Variants in REC114 observed in about 807,000 individuals in gnomAD.
The protein encoded by REC114 is meiotic recombination protein REC114.
A neutral mutation model predicts 31.3 loss-of-function variants in REC114; 27 were observed. The ratio of observed to expected loss-of-function variants is 0.86; its 90% CI spans 0.64 to 1.19. The LOEUF is 1.19. Among genes scored for constraint, REC114 ranks in the 50% most tolerant of loss-of-function variants. The pLI is 0.00. For missense variants in REC114, 344 were observed against 326.9 expected (o/e 1.05, Z -0.40); for synonymous variants, 134 against 127.7 (o/e 1.05, Z -0.33).
intron 2 of REC114, among the ~76,000 whole-genome samples, chr15:73,508,241 A>C (rs979801192): frequency 2.6e-5 from 4 of 152,164 alleles, no homozygotes; most frequent in Non-Finnish European, 5.9e-5. Flanking sequence ...ATAGAAATTA[A>C]AGTAAAATAT....
intron 2 of REC114, among the ~76,000 whole-genome samples, chr15:73,510,351 A>T (rs1270718205): frequency 1.3e-5 from 2 of 152,126 alleles, no homozygotes; most frequent in African/African-American, 2.4e-5. Context: ...GGCTGAGACA[A>T]TGGGGTTTTC....
chr15:73,474,614 C>T (rs901842315), intron 2 of REC114, among the ~76,000 whole-genome samples: 2 of 152,148 alleles, frequency 1.3e-5, no homozygotes, highest in African/African-American at 4.8e-5. Flanking sequence ...TTACTATCTA[C>T]ATGGGCATAA....
At chr15:73,487,656 G>A (rs1316993578) in intron 2 of REC114, among the ~76,000 whole-genome samples, 1 of 152,242 alleles carries the variant, frequency 6.6e-6, no homozygotes, top group East Asian at 1.9e-4. Flanking sequence ...GGCCCACACA[G>A]CAGTTCTCAT....
intron 1 of REC114, among the ~76,000 whole-genome samples, chr15:73,469,264 C>T (rs1021904753): frequency 2.6e-5 from 4 of 152,036 alleles, no homozygotes; most frequent in African/African-American, 7.2e-5. Flanking sequence ...CTTACTGCTT[C>T]GTGTATTTTT....
chr15:73,496,447 T>C (rs933235680), intron 2 of REC114, among the ~76,000 whole-genome samples: 3 of 149,288 alleles, frequency 2.0e-5, no homozygotes, highest in African/African-American at 4.9e-5. Context: ...TCACTTGAGA[T>C]CTGGAGACCA....
At chr15:73,477,524 C>T (rs546574988) in intron 2 of REC114, among the ~76,000 whole-genome samples, 1 of 152,244 alleles carries the variant, frequency 6.6e-6, no homozygotes, top group Non-Finnish European at 1.5e-5. Context: ...TCAAGTAGTC[C>T]TCCCATCTCA....
At chr15:73,558,796 C>CTAG (rs1894518427) in intron 5 of REC114, among the ~76,000 whole-genome samples, 1 of 152,216 alleles carries the variant, frequency 6.6e-6, no homozygotes, top group African/African-American at 2.4e-5. Flanking sequence ...TGACTCAATC[C>CTAG]TAGGTATTTA....
intron 2 of REC114, among the ~76,000 whole-genome samples, chr15:73,487,054 T>A (rs2141300324): frequency 6.6e-6 from 1 of 152,174 alleles, no homozygotes; most frequent in African/African-American, 2.4e-5. Context: ...CCTGAAGCCC[T>A]TTTCTAAGGA....
intron 1 of REC114, among the ~76,000 whole-genome samples, chr15:73,444,072 T>C (rs189055659): frequency 1.3e-5 from 2 of 152,348 alleles, no homozygotes; most frequent in Admixed American, 6.5e-5. Flanking sequence ...GAGAATACTT[T>C]ATTGCTAAAA....
intron 2 of REC114, among the ~76,000 whole-genome samples, chr15:73,514,531 AT>A (rs1233584699): frequency 2.0e-5 from 3 of 152,188 alleles, no homozygotes; most frequent in Non-Finnish European, 4.4e-5. Flanking sequence ...TCTTAAGATA[AT>A]TTAAGATACA....
At chr15:73,500,692 CTGTT>C (rs1209115925) in intron 2 of REC114, among the ~76,000 whole-genome samples, 2 of 131,566 alleles carry the variant, frequency 1.5e-5, no homozygotes, top group African/African-American at 5.6e-5. Flanking sequence ...TTTTAAATGT[CTGTT>C]TGTTTTTTAA....
In REC114 at chr15:73,444,635, G is replaced by C. The variant is rs1305365334; in HGVS notation, c.159+1291G>C. Among the ~76,000 whole-genome samples, 7 of 152,098 alleles carry C rather than the reference G, an allele frequency of 4.6e-5. No homozygotes were observed. In the South Asian group the frequency reaches 1.0e-3, roughly 23 times the overall value. On this transcript the variant is annotated intron_variant, in intron 1 of 5. Coordinates refer to ENST00000331090, the MANE Select transcript of REC114 (RefSeq NM_001042367.2). ...ATCTTGAACTCCTCAAAAGTCATCC[G>C]TGAGGGTTGGAATCAACTTCTTCCA...
At chr15:73,557,135 T>C (rs1297362126) in intron 5 of REC114, among the ~76,000 whole-genome samples, 3 of 151,234 alleles carry the variant, frequency 2.0e-5, no homozygotes, top group Non-Finnish European at 4.4e-5. Context: ...AGTGGTGCGA[T>C]CTTGGCTCAC....
intron 1 of REC114, among the ~76,000 whole-genome samples, chr15:73,450,828 C>T (rs534376301): frequency 1.7e-4 from 26 of 152,228 alleles, no homozygotes; most frequent in African/African-American, 6.3e-4. Context: ...AGGATTAAGA[C>T]ACTCACTCAA....
At chr15:73,473,731 A>G (rs8023326) in intron 1 of REC114, 101 bp from the exon 2 acceptor site, 71,776 of 655,894 alleles carry the variant, frequency 0.11, 6,046 homozygotes, top group African/African-American at 0.37. Context: ...GCTCGGAGTA[A>G]AAAGATCAAT....
chr15:73,476,478 A>T (rs923305405), intron 2 of REC114, among the ~76,000 whole-genome samples: 1 of 152,200 alleles, frequency 6.6e-6, no homozygotes, highest in East Asian at 1.9e-4. Flanking sequence ...TTTTGTTTAT[A>T]TATATCTTTA....
At chr15:73,445,595 A>AT (rs1892753498) in intron 1 of REC114, among the ~76,000 whole-genome samples, 1 of 152,036 alleles carries the variant, frequency 6.6e-6, no homozygotes, top group Non-Finnish European at 1.5e-5. Context: ...GAGATATGTG[A>AT]TTTTTCCTTT....
At chr15:73,486,772 C>T (rs1893376834) in intron 2 of REC114, among the ~76,000 whole-genome samples, 1 of 152,138 alleles carries the variant, frequency 6.6e-6, no homozygotes, top group Non-Finnish European at 1.5e-5. Flanking sequence ...CGCAGTGGCT[C>T]ATGCCTGTAA....
At chr15:73,490,224 G>A (rs962991780) in intron 2 of REC114, among the ~76,000 whole-genome samples, 12 of 152,140 alleles carry the variant, frequency 7.9e-5, no homozygotes, top group Non-Finnish European at 1.8e-4. Context: ...CTTTTGCCAA[G>A]CTTTTCAGCA....
Sources: gnomAD v4.1 joint callset for allele counts (sites outside exome capture counted in the v4.1 genomes callset) on GRCh38, gnomAD v4.1.1 for gene constraint, MANE v1.5 for transcripts, NCBI Gene and HGNC (gene_info 2026-07-23, HGNC 2026-07-21) for gene names.